Variants in CSMD1 observed in about 807,000 individuals in gnomAD.
The protein encoded by CSMD1 is CUB and Sushi multiple domains 1.
CSMD1 carries 213 observed loss-of-function variants against 417.5 expected under a neutral mutation model. That is an observed-to-expected ratio of 0.51 (90% CI 0.46 to 0.57). The LOEUF is 0.57. Ranked by LOEUF, CSMD1 falls within the 20% of genes least tolerant of loss-of-function variation. CSMD1 has a pLI of 0.00. For missense variants in CSMD1, 6,923 were observed against 4,529.7 expected (o/e 1.53, Z -15.17); for synonymous variants, 2,862 against 1,736.8 (o/e 1.65, Z -16.11).
intron 3 of CSMD1, among the ~76,000 whole-genome samples, chr8:4,259,514 C>G (rs181250761): frequency 7.0e-6 from 1 of 142,346 alleles, no homozygotes; most frequent in Admixed American, 7.5e-5. Context: ...CATCCTTCAA[C>G]AAAGTTCGAG....
chr8:3,742,954 T>C (rs184020686), intron 6 of CSMD1, among the ~76,000 whole-genome samples: 62 of 152,302 alleles, frequency 4.1e-4, no homozygotes, highest in African/African-American at 1.2e-3. Context: ...CTTGACAGGA[T>C]ACCACGAGGC....
At chr8:4,164,829 T>A (rs1020704831) in intron 3 of CSMD1, among the ~76,000 whole-genome samples, 2 of 151,580 alleles carry the variant, frequency 1.3e-5, no homozygotes, top group Non-Finnish European at 2.9e-5. Flanking sequence ...TGAGCTGACA[T>A]TGTGCCACTG....
intron 1 of CSMD1, among the ~76,000 whole-genome samples, chr8:4,891,594 A>C (rs1220628769): frequency 6.6e-6 from 1 of 152,100 alleles, no homozygotes; most frequent in Non-Finnish European, 1.5e-5. Flanking sequence ...TCTTTTAGGA[A>C]ATGTCTTAAG....
rs968047893 is a variant in CSMD1 at position 4,377,565 on chromosome 8, G to C, written c.415+42388C>G. ...CAAAGTTGAGTCAGTAAAGGTGCTG[G>C]ACTTTGCGAAGAAGCCAAGTAAATT... On this transcript the variant is annotated intron_variant, in intron 3 of 69. Transcript: ENST00000635120. Among the ~76,000 whole-genome samples the C allele has an allele frequency of 3.3e-5, 5 of 152,252 alleles. No homozygotes were observed. The East Asian group carries it at 9.7e-4, about 29-fold the overall frequency.
rs540985440 is a variant in CSMD1 at position 3,442,480 on chromosome 8, G to A, written c.1561+26232C>T. ...AGTGTTTTTACTGTACCTTTTGTAT[G>A]TTTACATATGTTCGATACACAAATG... is the stretch of plus-strand genomic sequence containing the variant. On this transcript the variant is annotated intron_variant, in intron 12 of 69. Transcript: ENST00000635120. 2.0e-5 allele frequency among the ~76,000 whole-genome samples: 3 copies of A among 152,182 alleles called. No homozygotes were observed. The South Asian group carries it at 6.2e-4, about 32-fold the overall frequency.
intron 5 of CSMD1, among the ~76,000 whole-genome samples, chr8:3,961,207 A>C (rs1362807564): frequency 2.6e-5 from 4 of 152,178 alleles, no homozygotes; most frequent in Non-Finnish European, 5.9e-5. Flanking sequence ...TCATTGTCTC[A>C]ATTAAGGAGA....
At chr8:3,208,117 G>C (rs950393136) in intron 30 of CSMD1, among the ~76,000 whole-genome samples, 2 of 151,988 alleles carry the variant, frequency 1.3e-5, no homozygotes, top group African/African-American at 2.4e-5. Flanking sequence ...TTTTATTTGC[G>C]CTCAGTCACA....
At chr8:3,847,270 ATTTT>A in intron 5 of CSMD1, among the ~76,000 whole-genome samples, 1 of 152,254 alleles carries the variant, frequency 6.6e-6, no homozygotes, top group Non-Finnish European at 1.5e-5. Context: ...TAATCAGTTG[ATTTT>A]TAAGTTAATC....
At chr8:4,689,999 T>A (rs1806663556) in intron 1 of CSMD1, among the ~76,000 whole-genome samples, 1 of 152,156 alleles carries the variant, frequency 6.6e-6, no homozygotes, top group Non-Finnish European at 1.5e-5. Context: ...AATCGTAATT[T>A]AAAAATAAAT....
At chr8:3,107,542 A>G (rs17079365) in intron 45 of CSMD1, among the ~76,000 whole-genome samples, 176 bp downstream of exon 45, 2,311 of 152,286 alleles carry the variant, frequency 0.015, 23 homozygotes, top group East Asian at 0.042. Flanking sequence ...TTTCTATTTG[A>G]TACATGACCT....
intron 23 of CSMD1, among the ~76,000 whole-genome samples, chr8:3,331,942 G>T (rs1284959448): frequency 6.6e-6 from 1 of 152,138 alleles, no homozygotes; most frequent in Admixed American, 6.5e-5. Flanking sequence ...ATAATAGATA[G>T]CTAGATAGAT....
At chr8:3,295,797 TTTAAA>T (rs1193278379) in intron 25 of CSMD1, among the ~76,000 whole-genome samples, 2 of 152,168 alleles carry the variant, frequency 1.3e-5, no homozygotes, top group Admixed American at 1.3e-4. Flanking sequence ...TGGTGTCTTG[TTTAAA>T]TTACTTTCCC....
chr8:3,256,399 GC>G (rs923783479), intron 26 of CSMD1, among the ~76,000 whole-genome samples: 3 of 151,870 alleles, frequency 2.0e-5, no homozygotes, highest in African/African-American at 7.3e-5. Flanking sequence ...CAGACACTGT[GC>G]CCCAGCAGTA....
At chr8:4,247,239 A>G (rs536770103) in intron 3 of CSMD1, among the ~76,000 whole-genome samples, 1 of 152,318 alleles carries the variant, frequency 6.6e-6, no homozygotes, top group East Asian at 1.9e-4. Flanking sequence ...AGGGACCCTC[A>G]AGTAACTATT....
At chr8:4,489,558 G>A (rs1213089365) in intron 2 of CSMD1, among the ~76,000 whole-genome samples, 1 of 152,166 alleles carries the variant, frequency 6.6e-6, no homozygotes, top group Non-Finnish European at 1.5e-5. Flanking sequence ...AGGCTATGAA[G>A]GTGCCACCCT....
chr8:3,386,585 A>C (rs1811016894), intron 18 of CSMD1, among the ~76,000 whole-genome samples: 1 of 152,198 alleles, frequency 6.6e-6, no homozygotes, highest in Non-Finnish European at 1.5e-5. Context: ...ATTTTAAAGA[A>C]GTCAAGGTGT....
chr8:4,302,147 T>C (rs1798011106), intron 3 of CSMD1, among the ~76,000 whole-genome samples: 1 of 152,188 alleles, frequency 6.6e-6, no homozygotes, highest in Admixed American at 6.5e-5. Context: ...AAAAACAGTT[T>C]ATGGACTTAA....
At chr8:4,763,023 A>T (rs1812218561) in intron 1 of CSMD1, among the ~76,000 whole-genome samples, 1 of 152,258 alleles carries the variant, frequency 6.6e-6, no homozygotes, top group South Asian at 2.1e-4. Flanking sequence ...CTGTGAGTTT[A>T]CCCTGCACCC....
At position 4,441,798 on chromosome 8, in the gene CSMD1, T is replaced by A. The variant is rs973076947; in HGVS notation, c.303-21733A>T. Among the ~76,000 whole-genome samples the A allele has an allele frequency of 2.0e-5, 3 of 152,014 alleles. No homozygotes were observed. The East Asian group carries it at 5.8e-4, about 29-fold the overall frequency. On this transcript the variant is annotated intron_variant, in intron 2 of 69. Coordinates refer to ENST00000635120, the MANE Select transcript of CSMD1 (RefSeq NM_033225.6). ...AATCTTGGGTGTATCACAAGATAAA[T>A]CAAATAAGGTTCAATCAAACACTGA...
Sources: allele counts gnomAD v4.1 joint callset (sites outside exome capture counted in the v4.1 genomes callset), GRCh38; gene constraint gnomAD v4.1.1; transcripts MANE v1.5; gene names NCBI Gene and HGNC (gene_info 2026-07-23, HGNC 2026-07-21).